The following CNRIP1 variants were observed in gnomAD, a reference collection of about 807,000 sequenced individuals.
The protein encoded by CNRIP1 is CB1 cannabinoid receptor-interacting protein 1.
In CNRIP1, 10 loss-of-function variants were observed where a neutral mutation model predicts 15.2. The observed-to-expected ratio is 0.66, with a 90% CI of 0.41 to 1.12. The LOEUF is 1.12. Ranked by LOEUF, CNRIP1 falls within the 50% of genes most tolerant of loss-of-function variation. CNRIP1 has a pLI of 0.00. For missense variants in CNRIP1, 211 were observed against 214.7 expected, an observed-to-expected ratio of 0.98 and a Z score of 0.11; for synonymous variants, 91 against 83.2, an observed-to-expected ratio of 1.09 and a Z score of -0.51.
At position 68,293,734 on chromosome 2, in the gene CNRIP1, G is replaced by A. The variant is rs904468293; in HGVS notation, c.*128C>T. 30 of 1,479,544 alleles carry A rather than the reference G, an allele frequency of 2.0e-5. No homozygotes were observed. In the African/African-American group the frequency reaches 3.9e-4, roughly 19 times the overall value. 91.7% of individuals were successfully genotyped at this position (1,479,544 alleles called of 1,614,324 possible). On this transcript the variant is annotated 3_prime_UTR_variant, in exon 3 of 3. Transcript: ENST00000263655. ...GGAATTACACTTTCAAAATAACCAG[G>A]GCTAGTAGGTCATTAGTACCAGATG...
intron 1 of CNRIP1, among the ~76,000 whole-genome samples, chr2:68,318,067 G>T (rs1403886498): frequency 3.3e-5 from 5 of 151,954 alleles, no homozygotes; most frequent in African/African-American, 1.2e-4. Context: ...AGGTTGGCAG[G>T]AAAGAAGGGA....
At chr2:68,318,017 A>C (rs1232193265) in intron 1 of CNRIP1, among the ~76,000 whole-genome samples, 1 of 152,162 alleles carries the variant, frequency 6.6e-6, no homozygotes, top group Non-Finnish European at 1.5e-5. Flanking sequence ...TACTCTAAAA[A>C]AAAAAAAAAG....
Position 68,293,984 on chromosome 2 carries a change from A to G in CNRIP1, c.373T>C (p.Phe125Leu). 1.9e-6 allele frequency: 3 copies of G among 1,613,972 alleles called. No individual in the cohort carries two copies. The highest frequency in any genetic ancestry group is 2.5e-6 in the Non-Finnish European group (3 of 1,179,920). The change falls in exon 3 of 3, where the codon TTC becomes CTC. Residue 125 changes from phenylalanine (F) to leucine (L), a missense_variant. Physicochemically the swap from Phe to Leu is conservative, Grantham distance 22 (BLOSUM62 0). Transcript: ENST00000263655. Reference sequence around the variant, plus strand: ...TGATCCCGCTTGTGGTAATTGTAGAACTTGACTTGCCACACTGTCTCGAAG... The same window carrying G: ...TGATCCCGCTTGTGGTAATTGTAGAGCTTGACTTGCCACACTGTCTCGAAG... ...GTFETVWQVK[F>L]YNYHKRDHCQ...
chr2:68,317,863 A>C (rs1033799686), intron 1 of CNRIP1, among the ~76,000 whole-genome samples: 1 of 152,110 alleles, frequency 6.6e-6, no homozygotes, highest in Non-Finnish European at 1.5e-5. Context: ...TTTAACAAGC[A>C]CTCCAGGTGA....
intron 2 of CNRIP1, among the ~76,000 whole-genome samples, chr2:68,298,246 T>G (rs1366280491): frequency 1.3e-5 from 2 of 152,152 alleles, no homozygotes; most frequent in African/African-American, 2.4e-5. Context: ...TGCAACTGAA[T>G]TTTACAATTC....
At chr2:68,299,894 T>G (rs1479386428) in intron 2 of CNRIP1, among the ~76,000 whole-genome samples, 1 of 152,234 alleles carries the variant, frequency 6.6e-6, no homozygotes, top group East Asian at 1.9e-4. Flanking sequence ...CTACTTCTAC[T>G]GCAGACATGA....
At chr2:68,299,362 A>ATACCAAATC (rs1183355389) in intron 2 of CNRIP1, among the ~76,000 whole-genome samples, 1 of 152,104 alleles carries the variant, frequency 6.6e-6, no homozygotes, top group East Asian at 1.9e-4. Flanking sequence ...CTAAATCCTA[A>ATACCAAATC]CTGTAATGGT....
intron 2 of CNRIP1, among the ~76,000 whole-genome samples, chr2:68,307,284 G>A (rs953518062): frequency 3.3e-5 from 5 of 152,080 alleles, no homozygotes; most frequent in Non-Finnish European, 7.4e-5. Flanking sequence ...TTGTCAAAAT[G>A]TATAGGATTG....
chr2:68,297,567 CAAA>C (rs112601365), intron 2 of CNRIP1, among the ~76,000 whole-genome samples: 350 of 98,278 alleles, frequency 3.6e-3, no homozygotes, highest in African/African-American at 0.014. Flanking sequence ...GACACTGTCT[CAAA>C]AAAAAAAAAA....
intron 2 of CNRIP1, among the ~76,000 whole-genome samples, chr2:68,299,031 A>G (rs557371504): frequency 6.6e-6 from 1 of 152,028 alleles, no homozygotes; most frequent in Non-Finnish European, 1.5e-5. Flanking sequence ...ACATCATTCC[A>G]CTTTAGTCTT....
At chr2:68,287,594 G>A (rs1277995225) in intron 2 of CNRIP1, among the ~76,000 whole-genome samples, 1 of 152,238 alleles carries the variant, frequency 6.6e-6, no homozygotes, top group Non-Finnish European at 1.5e-5. Context: ...AGGACCTAAG[G>A]TGATCAATCA....
downstream of CNRIP1, among the ~76,000 whole-genome samples, chr2:68,289,925 A>G (rs1401200978): frequency 2.6e-5 from 4 of 152,008 alleles, no homozygotes; most frequent in Non-Finnish European, 5.9e-5. Flanking sequence ...AAATGAGAAA[A>G]TTGAGGCACA....
At position 68,319,657 on chromosome 2, in the gene CNRIP1, C is replaced by T. The variant is rs1672426386; in HGVS notation, c.-257G>A. 8.9e-6 allele frequency: 4 copies of T among 449,226 alleles called. No individual in the cohort carries two copies. In the South Asian group the frequency reaches 9.0e-5, roughly 10 times the overall value. The allele number at this position is 449,226 out of a possible 1,614,324, so 27.8% of individuals were successfully genotyped here. ...AGACGGCTCCAAGGCCGCGCGCTTC[C>T]CCATCCCCCGCTCCAGTGCTGCGCC... On this transcript the variant is annotated 5_prime_UTR_variant, in exon 1 of 3. Transcript: ENST00000263655.
At chr2:68,304,514 G>A (rs1473617863) in intron 2 of CNRIP1, among the ~76,000 whole-genome samples, 1 of 152,126 alleles carries the variant, frequency 6.6e-6, no homozygotes, top group Non-Finnish European at 1.5e-5. Flanking sequence ...AGCAGTAAAG[G>A]CTAGGTTTCT....
At chr2:68,308,266 A>AT (rs1431599295) in intron 2 of CNRIP1, among the ~76,000 whole-genome samples, 4 of 152,190 alleles carry the variant, frequency 2.6e-5, no homozygotes, top group African/African-American at 9.7e-5. Context: ...CTTTTAAAAA[A>AT]TAGATTTCCT....
chr2:68,292,786 A>G (rs1415690617), downstream of CNRIP1, among the ~76,000 whole-genome samples: 2 of 152,168 alleles, frequency 1.3e-5, no homozygotes, highest in Non-Finnish European at 2.9e-5. Flanking sequence ...AGGTACAAGC[A>G]TTTTTTGATT....
intron 2 of CNRIP1, among the ~76,000 whole-genome samples, chr2:68,303,038 G>A (rs957052319): frequency 2.6e-5 from 4 of 151,764 alleles, no homozygotes; most frequent in Admixed American, 1.3e-4. Context: ...TAGTAGAGAC[G>A]GGGTTTCACT....
At chr2:68,306,241 G>A (rs2103662823) in intron 2 of CNRIP1, among the ~76,000 whole-genome samples, 1 of 149,264 alleles carries the variant, frequency 6.7e-6, no homozygotes, top group Non-Finnish European at 1.5e-5. Flanking sequence ...GGTCAAGGCT[G>A]CAGTGAGCTA....
rs766407832 is a variant in CNRIP1 at position 68,317,139 on chromosome 2, C to A, written c.330+18G>T. The A allele has an allele frequency of 1.2e-6, 2 of 1,614,140 alleles. No individual in the cohort carries two copies. The highest frequency in any genetic ancestry group is 2.2e-5 in the East Asian group (1 of 44,888). On this transcript the variant is annotated intron_variant, in intron 2 of 2. Transcript: ENST00000263655. ...TTTTCCATGGCACCATACTCCTATA[C>A]CCGCAAGCAAGCCTTACCGGCATGG...
Sources: gnomAD v4.1 joint callset for allele counts (sites outside exome capture counted in the v4.1 genomes callset) on GRCh38, gnomAD v4.1.1 for gene constraint, MANE v1.5 for transcripts, NCBI Gene and HGNC (gene_info 2026-07-23, HGNC 2026-07-21) for gene names.